Variants in CNKSR2 observed in about 807,000 individuals in gnomAD.
The protein encoded by CNKSR2 is connector enhancer of kinase suppressor of Ras 2.
Under a neutral mutation model 84.4 loss-of-function variants are expected in CNKSR2, and 14 were observed. The ratio of observed to expected loss-of-function variants is 0.17; its 90% confidence interval spans 0.11 to 0.26. CNKSR2 has a LOEUF of 0.26. CNKSR2 is among the 10% of genes least tolerant of loss of function. The pLI, the probability that CNKSR2 is intolerant of heterozygous loss-of-function variation, is 1.00. For synonymous variants in CNKSR2, 275 were observed against 277.9 expected, an observed-to-expected ratio of 0.99 and a Z score of 0.10; for missense variants, 485 against 771.2, an observed-to-expected ratio of 0.63 and a Z score of 4.40.
chrX:21,490,206 A>G (rs1202293752), intron 5 of CNKSR2, among the ~76,000 whole-genome samples: 1 of 111,863 alleles, frequency 8.9e-6, no homozygotes. Flanking sequence ...ATCAAATAAT[A>G]GAAACAGTAT....
At chrX:21,392,750 TC>T (rs2090068665) in intron 1 of CNKSR2, among the ~76,000 whole-genome samples, 1 of 111,467 alleles carries the variant, frequency 9.0e-6, no homozygotes, top group Non-Finnish European at 1.9e-5. Flanking sequence ...ATCAAGGAAG[TC>T]AATGCTTTTC....
chrX:21,394,799 T>A (rs898585614), intron 1 of CNKSR2, among the ~76,000 whole-genome samples: 1 of 112,062 alleles, frequency 8.9e-6, no homozygotes, highest in African/African-American at 3.2e-5. Context: ...TGATCAAAAT[T>A]ATTATTAAAC....
In CNKSR2 at chrX:21,609,214, T is replaced by C. The variant is rs1197699801; in HGVS notation, c.2289T>C (p.Ser763=). ...SAVSPIRKTA[S]QRRSWQDLIE... is the part of the protein sequence containing the mutation. ...TGTCTCCCATTCGCAAGACAGCCAG[T>C]CAGCGCCGCTCCTGGCAGGATTTAA... The change falls in exon 20 of 22, where the codon AGT becomes AGC. Residue 763 remains serine, a synonymous_variant. Coordinates refer to ENST00000379510, the MANE Select transcript of CNKSR2 (RefSeq NM_014927.5). 1 of 1,210,331 alleles carries C rather than the reference T, an allele frequency of 8.3e-7. No homozygotes were observed.
intron 11 of CNKSR2, among the ~76,000 whole-genome samples, chrX:21,537,282 C>T (rs184282421): frequency 9.4e-4 from 105 of 111,342 alleles, no homozygotes; most frequent in African/African-American, 3.1e-3. Flanking sequence ...TGTGGCCTAA[C>T]GTATGGTCTA....
At chrX:21,477,818 A>G (rs1196502194) in intron 5 of CNKSR2, among the ~76,000 whole-genome samples, 1 of 112,054 alleles carries the variant, frequency 8.9e-6, no homozygotes, top group Admixed American at 9.5e-5. Context: ...GATCATATTA[A>G]TGTTAATAGC....
chrX:21,584,054 A>G (rs2092370216), intron 13 of CNKSR2, among the ~76,000 whole-genome samples: 1 of 112,427 alleles, frequency 8.9e-6, no homozygotes, highest in African/African-American at 3.2e-5. Context: ...CATAACTCAT[A>G]TAATTATTAG....
At chrX:21,563,186 A>C in intron 12 of CNKSR2, 52 bp from the exon 13 acceptor site, 1 of 953,853 alleles carries the variant, frequency 1.0e-6, no homozygotes, top group Non-Finnish European at 1.4e-6. Context: ...AAGAATGGTA[A>C]ATTTGGGGTA....
At chrX:21,567,208 T>C (rs1013387584) in intron 13 of CNKSR2, among the ~76,000 whole-genome samples, 1 of 111,974 alleles carries the variant, frequency 8.9e-6, no homozygotes, top group Non-Finnish European at 1.9e-5. Context: ...TCAAAACCTT[T>C]GTTGGGATTT....
intron 4 of CNKSR2, among the ~76,000 whole-genome samples, chrX:21,457,792 A>C (rs1045576969): frequency 3.3e-4 from 37 of 111,659 alleles, no homozygotes; most frequent in African/African-American, 1.2e-3. Context: ...TGCTTTTGAA[A>C]TTTGTGTGTG....
chrX:21,421,030 G>A (rs1206659440), intron 1 of CNKSR2, among the ~76,000 whole-genome samples: 2 of 111,475 alleles, frequency 1.8e-5, no homozygotes. Flanking sequence ...TTAGCCCATG[G>A]TGTCCAGGTT....
intron 5 of CNKSR2, among the ~76,000 whole-genome samples, chrX:21,485,471 G>T (rs1332185896): frequency 9.0e-6 from 1 of 110,782 alleles, no homozygotes; most frequent in Non-Finnish European, 1.9e-5. Flanking sequence ...ATGTGTGTGT[G>T]CGTGTATGTG....
At chrX:21,452,581 T>C (rs916747370) in intron 4 of CNKSR2, among the ~76,000 whole-genome samples, 10 of 110,862 alleles carry the variant, frequency 9.0e-5, no homozygotes, top group Admixed American at 5.8e-4. Flanking sequence ...ATTGGGGCGT[T>C]AGTTTTTCAT....
intron 8 of CNKSR2, chrX:21,506,956 A>G (rs2091618759): frequency 9.2e-6 from 1 of 108,485 alleles, no homozygotes; most frequent in African/African-American, 3.4e-5. Flanking sequence ...CTCATTTGCA[A>G]ATCAGCATCA....
intron 13 of CNKSR2, among the ~76,000 whole-genome samples, chrX:21,563,887 A>G (rs1353234035): frequency 1.8e-5 from 2 of 111,131 alleles, no homozygotes; most frequent in East Asian, 2.8e-4. Flanking sequence ...ACACCATTTT[A>G]TGGGGAGAAA....
chrX:21,609,881 G>A (rs1486769175), intron 20 of CNKSR2, among the ~76,000 whole-genome samples: 1 of 111,373 alleles, frequency 9.0e-6, no homozygotes, highest in African/African-American at 3.3e-5. Flanking sequence ...TGCCTTTTAA[G>A]GTTAATGGTG....
chrX:21,646,077 T>C (rs1445382219), intron 20 of CNKSR2, among the ~76,000 whole-genome samples: 1 of 111,229 alleles, frequency 9.0e-6, no homozygotes, highest in Admixed American at 9.6e-5. Flanking sequence ...GGCATCTCAG[T>C]CCCTCGTCCT....
chrX:21,644,602 TG>T (rs2092701403), intron 20 of CNKSR2: 1 of 111,553 alleles, frequency 9.0e-6, no homozygotes, highest in African/African-American at 3.3e-5. Flanking sequence ...TTGAATGTGT[TG>T]GGTTGCATGA....
At chrX:21,572,966 T>C (rs778510079) in intron 13 of CNKSR2, among the ~76,000 whole-genome samples, 1 of 112,078 alleles carries the variant, frequency 8.9e-6, no homozygotes, top group Admixed American at 9.4e-5. Context: ...AAGTCCCTTC[T>C]GCCTAAGACC....
chrX:21,538,951 G>A (rs966796845), intron 11 of CNKSR2: 9 of 111,867 alleles, frequency 8.0e-5, no homozygotes, highest in Admixed American at 1.9e-4. Flanking sequence ...CATTGAGGGT[G>A]GGTCTTCTTC....
Sources: gnomAD v4.1 joint callset for allele counts (sites outside exome capture counted in the v4.1 genomes callset) on GRCh38, gnomAD v4.1.1 for gene constraint, MANE v1.5 for transcripts, NCBI Gene and HGNC (gene_info 2026-07-23, HGNC 2026-07-21) for gene names.